PIK3AP1: variants seen among roughly 807,000 people sequenced by gnomAD.
PIK3AP1 encodes phosphoinositide 3-kinase adapter protein 1.
Under a neutral mutation model 88.1 loss-of-function variants are expected in PIK3AP1, and 21 were observed. The ratio of observed to expected loss-of-function variants is 0.24; its 90% CI spans 0.17 to 0.34. The LOEUF is 0.34. Ranked by LOEUF, PIK3AP1 falls within the 10% of genes least tolerant of loss-of-function variation. The pLI is 1.00. For synonymous variants in PIK3AP1, 398 were observed against 400.0 expected, an observed-to-expected ratio of 1.00 and a Z score of 0.06; for missense variants, 828 against 1,035.7, an observed-to-expected ratio of 0.80 and a Z score of 2.75.
chr10:96,649,341 G>A (rs1265264555), intron 6 of PIK3AP1, among the ~76,000 whole-genome samples: 2 of 152,128 alleles, frequency 1.3e-5, no homozygotes, highest in South Asian at 2.1e-4. Context: ...ACCATACCCG[G>A]CCATAACATT....
intron 15 of PIK3AP1, among the ~76,000 whole-genome samples, chr10:96,603,049 C>T (rs959077244): frequency 3.9e-5 from 6 of 152,196 alleles, no homozygotes; most frequent in Non-Finnish European, 7.3e-5. Flanking sequence ...GGCCCCTAAC[C>T]CTGGATCCCC....
chr10:96,622,469 A>T (rs1307433133), intron 11 of PIK3AP1, among the ~76,000 whole-genome samples: 1 of 152,198 alleles, frequency 6.6e-6, no homozygotes, highest in Non-Finnish European at 1.5e-5. Context: ...TAACATGAAG[A>T]AAAAAGAGAA....
At position 96,712,439 on chromosome 10, in the gene PIK3AP1, A is replaced by G. The variant is rs376240545; in HGVS notation, c.14-2456T>C. Among the ~76,000 whole-genome samples the G allele has an allele frequency of 7.2e-5, 11 of 152,314 alleles. No individual in the cohort carries two copies. In the East Asian group the frequency reaches 1.5e-3, roughly 21 times the overall value. ...ATTAAGGACAAAAAGTTAATGCACCAGTGCTGCAGCCTGCCATAAAAATAA... is the reference window on the plus strand; with the variant it reads ...ATTAAGGACAAAAAGTTAATGCACCGGTGCTGCAGCCTGCCATAAAAATAA... On this transcript the variant is annotated intron_variant, in intron 1 of 16. Coordinates refer to ENST00000339364, the MANE Select transcript of PIK3AP1 (RefSeq NM_152309.3).
At chr10:96,680,003 A>G (rs549018902) in intron 2 of PIK3AP1, among the ~76,000 whole-genome samples, 1 of 152,224 alleles carries the variant, frequency 6.6e-6, no homozygotes, top group African/African-American at 2.4e-5. Context: ...GACTCCCACT[A>G]TCATGTCCAC....
intron 2 of PIK3AP1, among the ~76,000 whole-genome samples, chr10:96,664,214 T>C (rs1843730989): frequency 6.6e-6 from 1 of 152,202 alleles, no homozygotes; most frequent in South Asian, 2.1e-4. Context: ...AAACATTATT[T>C]TCAAAGAGTT....
chr10:96,699,364 TG>T (rs1353307531), intron 2 of PIK3AP1, among the ~76,000 whole-genome samples: 1 of 152,230 alleles, frequency 6.6e-6, no homozygotes, highest in Non-Finnish European at 1.5e-5. Context: ...AAAAGAAAGA[TG>T]TAAAATATCT....
At chr10:96,640,050 G>A (rs573159055) in intron 8 of PIK3AP1, among the ~76,000 whole-genome samples, 1 of 152,288 alleles carries the variant, frequency 6.6e-6, no homozygotes, top group East Asian at 1.9e-4. Flanking sequence ...CAGTTACCAG[G>A]GAGGTTGCTA....
At chr10:96,622,177 T>A (rs1411162719) in intron 11 of PIK3AP1, among the ~76,000 whole-genome samples, 3 of 152,232 alleles carry the variant, frequency 2.0e-5, no homozygotes, top group Non-Finnish European at 4.4e-5. Context: ...GCATCAGGTA[T>A]AAAGTAGGTG....
chr10:96,696,865 C>G (rs1410778988), intron 2 of PIK3AP1, among the ~76,000 whole-genome samples: 1 of 152,148 alleles, frequency 6.6e-6, no homozygotes, highest in Non-Finnish European at 1.5e-5. Flanking sequence ...AATACACTAC[C>G]ATACCTTGAT....
intron 12 of PIK3AP1, among the ~76,000 whole-genome samples, chr10:96,617,421 G>C (rs1435004482): frequency 6.6e-6 from 1 of 152,180 alleles, no homozygotes; most frequent in Non-Finnish European, 1.5e-5. Flanking sequence ...TTCATGTTGG[G>C]GAGTCACAGG....
intron 2 of PIK3AP1, among the ~76,000 whole-genome samples, chr10:96,707,982 G>A (rs948040314): frequency 1.3e-5 from 2 of 152,154 alleles, no homozygotes; most frequent in Admixed American, 1.3e-4. Flanking sequence ...GTTAAAAGAC[G>A]TGGTCATGTT....
intron 2 of PIK3AP1, among the ~76,000 whole-genome samples, chr10:96,697,644 G>T (rs774226250): frequency 1.3e-5 from 2 of 151,906 alleles, no homozygotes; most frequent in Non-Finnish European, 2.9e-5. Context: ...TGAGAGGATC[G>T]CTTGAGCCTG....
chr10:96,600,056 T>C (rs1447294951), intron 16 of PIK3AP1, among the ~76,000 whole-genome samples: 5 of 152,146 alleles, frequency 3.3e-5, no homozygotes, highest in Admixed American at 6.5e-5. Context: ...TTGGTACAAT[T>C]AGACAACTGC....
rs191483723 is a variant in PIK3AP1, at chr10:96,657,969, A to C, written c.431-1035T>G. 2.1e-3 allele frequency among the ~76,000 whole-genome samples: 312 copies of C among 151,660 alleles called. 3 individuals are homozygous for C. The highest frequency in any genetic ancestry group is 0.018 in the Admixed American group (274 of 15,194). Reference sequence around the variant, plus strand: ...TCCCAGCTACTTGGGAGGCTGAGGCAGGAGAATCACTTGAACCTGGGAGGC... The same window carrying C: ...TCCCAGCTACTTGGGAGGCTGAGGCCGGAGAATCACTTGAACCTGGGAGGC... On this transcript the variant is annotated intron_variant, in intron 2 of 16. Coordinates refer to ENST00000339364, the MANE Select transcript of PIK3AP1 (RefSeq NM_152309.3).
intron 3 of PIK3AP1, among the ~76,000 whole-genome samples, chr10:96,653,479 CT>C (rs748930022): frequency 0.14 from 8,792 of 61,498 alleles, 27 homozygotes; most frequent in East Asian, 0.19. Flanking sequence ...ACTTTATACA[CT>C]TTTTTTTTTT....
intron 1 of PIK3AP1, among the ~76,000 whole-genome samples, chr10:96,713,191 G>C (rs867962799): frequency 1.1e-4 from 16 of 152,068 alleles, no homozygotes; most frequent in African/African-American, 3.9e-4. Flanking sequence ...GTGAAACCCC[G>C]TCTCTACAAA....
chr10:96,643,478 G>A (rs894898287), intron 8 of PIK3AP1, among the ~76,000 whole-genome samples: 5 of 152,182 alleles, frequency 3.3e-5, no homozygotes, highest in Non-Finnish European at 5.9e-5. Flanking sequence ...GGATGGTAGC[G>A]ATGGTGCTTT....
In PIK3AP1 at chr10:96,651,458, G is replaced by A. The variant is rs1319659803; in HGVS notation, c.855+51C>T. On this transcript the variant is annotated intron_variant, in intron 5 of 16. Transcript: ENST00000339364. ...CGCAGATTCAAGACTGATAAGCCAT[G>A]AGCAGAAATTACATGCCCAGAAATC... The A allele has an allele frequency of 5.0e-6, 8 of 1,613,790 alleles. No homozygotes were observed. In the East Asian group the frequency reaches 6.7e-5, roughly 13 times the overall value.
intron 1 of PIK3AP1, among the ~76,000 whole-genome samples, chr10:96,717,256 T>G (rs1446988778): frequency 4.4e-5 from 3 of 67,714 alleles, no homozygotes; most frequent in African/African-American, 1.5e-4. Flanking sequence ...AGACTCCGTC[T>G]CAAAAAAAAA....
Sources: allele counts gnomAD v4.1 joint callset (sites outside exome capture counted in the v4.1 genomes callset), GRCh38; gene constraint gnomAD v4.1.1; transcripts MANE v1.5; gene names NCBI Gene and HGNC (gene_info 2026-07-23, HGNC 2026-07-21).